PCDHA1: variants seen among roughly 807,000 people sequenced by gnomAD.
PCDHA1 encodes the protein protocadherin alpha-1.
PCDHA1 carries 42 observed loss-of-function variants against 61.3 expected under a neutral mutation model. The observed-to-expected ratio is 0.69, with a 90% CI of 0.54 to 0.89. The LOEUF is 0.89. PCDHA1 is among the 40% of genes least tolerant of loss of function. PCDHA1 has a pLI of 0.00. For synonymous variants in PCDHA1, 610 were observed against 553.8 expected (o/e 1.10, Z -1.43); for missense variants, 1,256 against 1,235.3 (o/e 1.02, Z -0.25).
chr5:140,926,723 C>G (rs1224901751), intron 1 of PCDHA1: 1 of 1,034,598 alleles, frequency 9.7e-7, no homozygotes, highest in Non-Finnish European at 1.3e-6. Flanking sequence ...CCGGCAATGC[C>G]GGCGTTCGGG....
chr5:140,832,241 T>C (rs2150200377), intron 1 of PCDHA1, among the ~76,000 whole-genome samples: 28 of 152,212 alleles, frequency 1.8e-4, no homozygotes, highest in Non-Finnish European at 3.4e-4. Context: ...ACTTTTTGTG[T>C]TGTCCATGTT....
chr5:140,895,857 G>C (rs1181424868), intron 1 of PCDHA1, among the ~76,000 whole-genome samples: 1 of 152,116 alleles, frequency 6.6e-6, no homozygotes, highest in Admixed American at 6.5e-5. Flanking sequence ...TGTACCCCAG[G>C]CTGGAGTGCA....
rs202184948 is a variant in PCDHA1 at position 140,888,065 on chromosome 5, T to C, written c.2395-90884T>C. 4.6e-5 allele frequency among the ~76,000 whole-genome samples: 7 copies of C among 152,338 alleles called. No homozygotes were observed. The East Asian group carries it at 5.8e-4, about 13-fold the overall frequency. On this transcript the variant is annotated intron_variant, in intron 1 of 3. Transcript: ENST00000504120. Reference sequence around the variant, plus strand: ...TATAATAGATGTTTTAACTTTCTTGTCTGCTAATTTCAACATTTTTGTCCT... The same window carrying C: ...TATAATAGATGTTTTAACTTTCTTGCCTGCTAATTTCAACATTTTTGTCCT...
At chr5:140,925,523 A>G (rs2082536331) in intron 1 of PCDHA1, among the ~76,000 whole-genome samples, 1 of 152,138 alleles carries the variant, frequency 6.6e-6, no homozygotes, top group African/African-American at 2.4e-5. Flanking sequence ...ACCAAATTAA[A>G]AGCGAGGAGA....
intron 1 of PCDHA1, chr5:140,927,723 A>G: frequency 6.2e-7 from 1 of 1,614,220 alleles, no homozygotes; most frequent in Non-Finnish European, 8.5e-7. Context: ...ACAGCACGCA[A>G]GCAGAGCTGC....
chr5:140,868,449 C>T (rs1323009325), intron 1 of PCDHA1: 1 of 152,158 alleles, frequency 6.6e-6, no homozygotes, highest in Non-Finnish European at 1.5e-5. Context: ...GGAACATAAA[C>T]ACTAAAGAGC....
intron 1 of PCDHA1, among the ~76,000 whole-genome samples, chr5:140,912,652 G>C (rs555103404): frequency 1.4e-4 from 21 of 152,250 alleles, no homozygotes; most frequent in African/African-American, 5.1e-4. Context: ...TTGAATAGAA[G>C]TGGTGAAAAT....
chr5:140,879,390 A>T (rs2057972127), intron 1 of PCDHA1, among the ~76,000 whole-genome samples: 1 of 152,202 alleles, frequency 6.6e-6, no homozygotes, highest in Admixed American at 6.5e-5. Context: ...TTGGAGAAAC[A>T]GTTTGTGTGT....
intron 1 of PCDHA1, chr5:140,857,926 C>G (rs1351185942): frequency 2.5e-6 from 4 of 1,597,606 alleles, no homozygotes; most frequent in East Asian, 2.2e-5. Flanking sequence ...TGGGGCTGTA[C>G]ACGGGCGAGA....
At chr5:140,921,781 G>C (rs1393443819) in intron 1 of PCDHA1, among the ~76,000 whole-genome samples, 1 of 151,986 alleles carries the variant, frequency 6.6e-6, no homozygotes, top group Non-Finnish European at 1.5e-5. Context: ...TACTGACTTG[G>C]ATGTTCTAGA....
In PCDHA1 at chr5:140,884,578, G is replaced by A. The variant is rs1554181757; in HGVS notation, c.2395-94371G>A. 6 of 1,614,104 alleles carry A rather than the reference G, an allele frequency of 3.7e-6. No homozygotes were observed. In the South Asian group the frequency reaches 4.4e-5, roughly 12 times the overall value. On this transcript the variant is annotated intron_variant, in intron 1 of 3. Transcript: ENST00000504120. ...AGGGCCCGCATAAGACGGACCTCAT[G>A]GCCTTCAGTCCCAGCCTTCCTCCTT...
In PCDHA1 at chr5:140,843,257, C is replaced by G. The variant is rs146582216; in HGVS notation, c.2394+54573C>G. 40 of 1,595,938 alleles carry G rather than the reference C, an allele frequency of 2.5e-5. 2 individuals carry two copies. The highest frequency in any genetic ancestry group is 3.2e-5 in the Non-Finnish European group (37 of 1,165,610). On this transcript the variant is annotated intron_variant, in intron 1 of 3. Coordinates refer to ENST00000504120, the MANE Select transcript of PCDHA1 (RefSeq NM_018900.4). The stretch of plus-strand genomic sequence containing the variant: ...GGACGAAGCGGACTCTCCGCGCCAC[C>G]GTCTGCTGGTCCTGGTGAAGGATCA...
chr5:140,811,740 C>T (rs1264777389), intron 1 of PCDHA1: 1 of 152,194 alleles, frequency 6.6e-6, no homozygotes, highest in African/African-American at 2.4e-5. Context: ...TTGCATTTCT[C>T]TGATGACCAG....
chr5:140,877,415 T>A (rs1554169714), intron 1 of PCDHA1: 3 of 1,613,882 alleles, frequency 1.9e-6, no homozygotes, highest in Non-Finnish European at 2.5e-6. Flanking sequence ...CACCGCCTGC[T>A]GGTGCTGGTG....
chr5:140,835,623 G>T, intron 1 of PCDHA1: 2 of 1,613,888 alleles, frequency 1.2e-6, no homozygotes, highest in Non-Finnish European at 1.7e-6. Flanking sequence ...CAGCGCTCTG[G>T]ACCGCGAGAG....
rs782343360 is a variant in PCDHA1, at chr5:140,787,140, G to T, written c.850G>T (p.Gly284Cys). Residue 284 changes from glycine (G) to cysteine (C), a missense_variant, in exon 1 of 4, where the codon GGT becomes TGT. Coordinates refer to ENST00000504120, the MANE Select transcript of PCDHA1 (RefSeq NM_018900.4). ...NGEVVFSFDS[G>C]ISRDIQEKFK... ...TGAAGTCGTCTTTTCCTTTGACAGT[G>T]GTATTTCTCGTGACATTCAAGAAAA... The T allele has an allele frequency of 3.1e-6, 5 of 1,613,828 alleles. No homozygotes were observed. The highest frequency in any genetic ancestry group is 4.2e-6 in the Non-Finnish European group (5 of 1,179,898).
intron 1 of PCDHA1, chr5:140,870,343 C>G (rs375366430): frequency 1.7e-5 from 28 of 1,614,042 alleles, no homozygotes; most frequent in Non-Finnish European, 2.2e-5. Context: ...CGCCCTGGAC[C>G]GCGAGAACGT....
At chr5:140,911,464 A>T (rs1300349898) in intron 1 of PCDHA1, among the ~76,000 whole-genome samples, 2 of 152,144 alleles carry the variant, frequency 1.3e-5, no homozygotes, top group African/African-American at 2.4e-5. Flanking sequence ...TCTACAGGAG[A>T]TAAGACTCTC....
chr5:141,009,953 A>G lies in PCDHA1; in HGVS notation c.*16A>G, dbSNP rs782663496. 3 of 1,592,888 alleles carry G rather than the reference A, an allele frequency of 1.9e-6. No homozygotes were observed. Among genetic ancestry groups the G allele is most frequent in the Non-Finnish European group, 2.6e-6 (3 of 1,172,546 alleles). On this transcript the variant is annotated 3_prime_UTR_variant, in exon 4 of 4. Transcript: ENST00000504120. ...TGACCAGTGAGGTCCTCAAATGGAA[A>G]CAAGCCACTTAGCCAGTTTTTGTAA...
Sources: gnomAD v4.1 joint callset for allele counts (sites outside exome capture counted in the v4.1 genomes callset) on GRCh38, gnomAD v4.1.1 for gene constraint, MANE v1.5 for transcripts, NCBI Gene and HGNC (gene_info 2026-07-23, HGNC 2026-07-21) for gene names.